Variants in PID1 observed in about 807,000 individuals in gnomAD.
PID1 encodes the protein phosphotyrosine interaction domain containing 1.
In PID1, 10 loss-of-function variants were observed where a neutral mutation model predicts 19.1. That is an observed-to-expected ratio of 0.52 (90% CI 0.32 to 0.89). The LOEUF (loss-of-function observed/expected upper bound fraction) is 0.89. Among genes scored for constraint, PID1 ranks in the 40% least tolerant of loss-of-function variants. The pLI, the probability that PID1 is intolerant of heterozygous loss-of-function variation, is 0.03. For missense variants in PID1, 248 were observed against 285.3 expected, an observed-to-expected ratio of 0.87 and a Z score of 0.94; for synonymous variants, 130 against 116.0, an observed-to-expected ratio of 1.12 and a Z score of -0.78.
chr2:229,258,197 A>T (rs909890442), intron 1 of PID1, among the ~76,000 whole-genome samples: 2 of 152,214 alleles, frequency 1.3e-5, no homozygotes, highest in Non-Finnish European at 2.9e-5. Flanking sequence ...ATGAACTAGG[A>T]GCATGAACGA....
intron 2 of PID1, among the ~76,000 whole-genome samples, chr2:229,139,100 A>G: frequency 1.3e-5 from 1 of 74,554 alleles, no homozygotes; most frequent in East Asian, 4.2e-4. Context: ...AGAAAGAAAG[A>G]AAGAAAGAAA....
intron 1 of PID1, among the ~76,000 whole-genome samples, chr2:229,180,347 T>C (rs1427041253): frequency 6.6e-6 from 1 of 152,200 alleles, no homozygotes; most frequent in Non-Finnish European, 1.5e-5. Context: ...ATAGAAGACA[T>C]TATTTGATAA....
chr2:229,132,360 G>A (rs966536342), intron 2 of PID1, among the ~76,000 whole-genome samples: 3 of 152,130 alleles, frequency 2.0e-5, no homozygotes, highest in African/African-American at 7.2e-5. Context: ...GAAAACAGTC[G>A]ACATTATAAA....
At chr2:229,093,819 T>C (rs976327358) in intron 2 of PID1, among the ~76,000 whole-genome samples, 4 of 151,870 alleles carry the variant, frequency 2.6e-5, no homozygotes, top group Non-Finnish European at 5.9e-5. Flanking sequence ...AAATAATAAA[T>C]GTCATATATG....
intron 2 of PID1, among the ~76,000 whole-genome samples, chr2:229,110,328 G>A (rs1374985431): frequency 1.3e-5 from 2 of 152,164 alleles, no homozygotes; most frequent in East Asian, 3.9e-4. Flanking sequence ...CCCAAAATGG[G>A]ATAGATGAGG....
chr2:229,053,338 A>G (rs888471280), intron 2 of PID1, among the ~76,000 whole-genome samples: 1 of 152,234 alleles, frequency 6.6e-6, no homozygotes, highest in African/African-American at 2.4e-5. Flanking sequence ...AAGATGTTAC[A>G]CTGATTAGAG....
intron 1 of PID1, among the ~76,000 whole-genome samples, chr2:229,254,736 T>C (rs1690247884): frequency 6.6e-6 from 1 of 152,230 alleles, no homozygotes; most frequent in Admixed American, 6.5e-5. Flanking sequence ...GTTTCTCTTT[T>C]ATTGACAAGT....
chr2:229,204,565 A>G (rs1030135856), intron 1 of PID1, among the ~76,000 whole-genome samples: 10 of 152,076 alleles, frequency 6.6e-5, no homozygotes, highest in African/African-American at 2.4e-4. Context: ...ATAGTATTTG[A>G]TTAGTTTGTC....
chr2:229,236,597 C>G (rs1173242033), intron 1 of PID1: 1 of 151,980 alleles, frequency 6.6e-6, no homozygotes, highest in Non-Finnish European at 1.5e-5. Flanking sequence ...GTCACCAGGT[C>G]ATTTTCACAT....
chr2:229,045,101 C>G lies in PID1; in HGVS notation c.178-18993G>C, dbSNP rs945185075. Among the ~76,000 whole-genome samples the G allele has an allele frequency of 2.0e-5, 3 of 151,946 alleles. No individual in the cohort carries two copies. In the South Asian group the frequency reaches 6.2e-4, roughly 32 times the overall value. The stretch of plus-strand genomic sequence containing the variant: ...CCCAAGTAGCTGGGATTACAGGCAC[C>G]CACCACCACACCCGGCTAATTTTTG... On this transcript the variant is annotated intron_variant, in intron 2 of 2. Transcript: ENST00000392055.
intron 2 of PID1, among the ~76,000 whole-genome samples, chr2:229,054,176 G>A (rs1694049706): frequency 6.6e-6 from 1 of 152,214 alleles, no homozygotes; most frequent in Non-Finnish European, 1.5e-5. Context: ...AGGTAATTAA[G>A]TGATGGTTTG....
intron 1 of PID1, among the ~76,000 whole-genome samples, chr2:229,269,782 TA>T (rs1690687620): frequency 6.6e-6 from 1 of 152,210 alleles, no homozygotes; most frequent in Admixed American, 6.5e-5. Flanking sequence ...TCTGCAAGGC[TA>T]AATGCAGGTT....
chr2:229,119,218 T>C (rs1250979333), intron 2 of PID1, among the ~76,000 whole-genome samples: 1 of 152,230 alleles, frequency 6.6e-6, no homozygotes, highest in Non-Finnish European at 1.5e-5. Context: ...CAAACCACTT[T>C]CACATGTATT....
chr2:229,149,413 T>C (rs1383914118), intron 2 of PID1, among the ~76,000 whole-genome samples: 3 of 152,098 alleles, frequency 2.0e-5, no homozygotes, highest in Admixed American at 2.0e-4. Context: ...AGAGTCCTTA[T>C]CATGAGATAA....
At chr2:229,210,749 G>C (rs1020345300) in intron 1 of PID1, among the ~76,000 whole-genome samples, 6 of 152,010 alleles carry the variant, frequency 3.9e-5, no homozygotes, top group Admixed American at 3.9e-4. Flanking sequence ...AGTGAACTTT[G>C]GCAGTTCAGG....
intron 1 of PID1, among the ~76,000 whole-genome samples, chr2:229,265,727 T>C (rs922151016): frequency 1.3e-5 from 2 of 152,178 alleles, no homozygotes; most frequent in African/African-American, 4.8e-5. Flanking sequence ...ATAAAATACC[T>C]TGTAGAAGGC....
At position 229,207,504 on chromosome 2, in the gene PID1, A is replaced by T. The variant is rs113994682; in HGVS notation, c.31-51540T>A. Reference sequence around the variant, plus strand: ...ATCCAACATTAGTAGCATGGGTTGGATCTAGTAGGACGACCTCAATCTGAG... The same window carrying T: ...ATCCAACATTAGTAGCATGGGTTGGTTCTAGTAGGACGACCTCAATCTGAG... On this transcript the variant is annotated intron_variant, in intron 1 of 2. Transcript: ENST00000392055. Among the ~76,000 whole-genome samples the T allele has an allele frequency of 3.9e-3, 586 of 149,000 alleles. 7 individuals are homozygous for T. Among genetic ancestry groups the T allele is most frequent in the Non-Finnish European group, 4.7e-3 (319 of 67,466 alleles).
chr2:229,033,484 A>G (rs981620450), intron 2 of PID1, among the ~76,000 whole-genome samples: 2 of 152,082 alleles, frequency 1.3e-5, no homozygotes, highest in South Asian at 4.1e-4. Flanking sequence ...GAACAATGAG[A>G]ACACATGGAC....
At chr2:229,117,545 C>T (rs1352327825) in intron 2 of PID1, among the ~76,000 whole-genome samples, 2 of 152,174 alleles carry the variant, frequency 1.3e-5, no homozygotes, top group East Asian at 3.9e-4. Context: ...CTCCTGTCTG[C>T]TTAGAAAGAT....
Sources: allele counts gnomAD v4.1 joint callset (sites outside exome capture counted in the v4.1 genomes callset), GRCh38; gene constraint gnomAD v4.1.1; transcripts MANE v1.5; gene names NCBI Gene and HGNC (gene_info 2026-07-23, HGNC 2026-07-21).